Variants in MOGAT1 observed in about 807,000 individuals in gnomAD.
The protein encoded by MOGAT1 is monoacylglycerol O-acyltransferase 1.
A neutral mutation model predicts 31.4 loss-of-function variants in MOGAT1; 32 were observed. The observed-to-expected ratio is 1.02, with a 90% CI of 0.77 to 1.37. The LOEUF (loss-of-function observed/expected upper bound fraction) is 1.37. Among genes scored for constraint, MOGAT1 ranks in the 40% most tolerant of loss-of-function variants. The pLI is 0.00. For missense variants in MOGAT1, 426 were observed against 402.0 expected, an observed-to-expected ratio of 1.06 and a Z score of -0.51; for synonymous variants, 145 against 144.5, an observed-to-expected ratio of 1.00 and a Z score of -0.03.
rs1262682357 is a variant in MOGAT1 at position 222,676,993 on chromosome 2, TA to T, written c.94+5117del. On this transcript the variant is annotated intron_variant, in intron 1 of 5. Coordinates refer to ENST00000446656, the MANE Select transcript of MOGAT1 (RefSeq NM_058165.3). The stretch of plus-strand genomic sequence containing the variant: ...ATCCACAATTATACTAATTGTCAAC[TA>T]AAGTTTTACACTTCATACTTGAGAT... Among the ~76,000 whole-genome samples, 6 of 152,222 alleles carry T rather than the reference TA, an allele frequency of 3.9e-5. No individual in the cohort carries two copies. In the East Asian group the frequency reaches 1.2e-3, roughly 29 times the overall value.
intron 1 of MOGAT1, among the ~76,000 whole-genome samples, chr2:222,680,033 C>T (rs1692554597): frequency 6.6e-6 from 1 of 152,144 alleles, no homozygotes; most frequent in Admixed American, 6.5e-5. Context: ...AAAAGCTCTC[C>T]TTCTATTTTG....
At chr2:222,695,367 G>A (rs1218516509) in intron 5 of MOGAT1, 79 bp downstream of exon 5, 2 of 963,330 alleles carry the variant, frequency 2.1e-6, no homozygotes, top group African/African-American at 3.4e-5. Flanking sequence ...CTAATGCAAG[G>A]GAAGTGGCTT....
chr2:222,687,140 GAAAGAACAAGAAA>G (rs1316752254), intron 1 of MOGAT1, among the ~76,000 whole-genome samples: 5 of 51,316 alleles, frequency 9.7e-5, no homozygotes, highest in African/African-American at 7.6e-4. Context: ...AAAAAAAAAA[GAAAGAACAAGAAA>G]GAAAGAAAAA....
At chr2:222,694,174 G>A (rs1241650419) in intron 3 of MOGAT1, among the ~76,000 whole-genome samples, 188 bp from the exon 4 acceptor site, 2 of 152,172 alleles carry the variant, frequency 1.3e-5, no homozygotes, top group African/African-American at 4.8e-5. Context: ...CTGCCAAGAT[G>A]TTAACTTATT....
chr2:222,703,917 A>AC (rs5838962), intron 5 of MOGAT1, among the ~76,000 whole-genome samples: 86,561 of 151,862 alleles, frequency 0.57, 25,460 homozygotes, highest in Middle Eastern at 0.71. Context: ...AGCTGTGTAT[A>AC]CCACAAGCCC....
rs186785340 is a variant in MOGAT1, at chr2:222,709,678, G to A, written c.854-58G>A. 2.6e-6 allele frequency: 4 copies of A among 1,520,216 alleles called. No individual in the cohort carries two copies. The East Asian group carries it at 9.0e-5, about 34-fold the overall frequency. The allele number at this position is 1,520,216 out of a possible 1,614,324, so 94.2% of individuals were successfully genotyped here. The stretch of plus-strand genomic sequence containing the variant: ...TGTTCACAGCTGTGCATTAGGGGCG[G>A]CGGTCTGTGGTGGAGTGGTTTTAGT... On this transcript the variant is annotated intron_variant, in intron 5 of 5. Coordinates refer to ENST00000446656, the MANE Select transcript of MOGAT1 (RefSeq NM_058165.3).
intron 5 of MOGAT1, among the ~76,000 whole-genome samples, chr2:222,708,240 C>T (rs1267060904): frequency 2.0e-5 from 3 of 152,106 alleles, no homozygotes; most frequent in Admixed American, 6.5e-5. Context: ...CCCGCCACCA[C>T]GTCCGGCTAA....
chr2:222,672,264 CA>C (rs1279741411), intron 1 of MOGAT1, among the ~76,000 whole-genome samples: 3 of 152,198 alleles, frequency 2.0e-5, no homozygotes, highest in Non-Finnish European at 4.4e-5. Context: ...ACTGTTGATT[CA>C]TAGATGGCAA....
chr2:222,677,064 G>A (rs1287877931), intron 1 of MOGAT1, among the ~76,000 whole-genome samples: 1 of 152,112 alleles, frequency 6.6e-6, no homozygotes, highest in Non-Finnish European at 1.5e-5. Context: ...TGATTTCAGA[G>A]TCTCATCCTG....
At chr2:222,691,678 G>T (rs1344263823) in intron 3 of MOGAT1, among the ~76,000 whole-genome samples, 1 of 152,164 alleles carries the variant, frequency 6.6e-6, no homozygotes, top group African/African-American at 2.4e-5. Context: ...GACAGCCCTT[G>T]GTCCAAGGCT....
At chr2:222,703,383 A>T (rs936169340) in intron 5 of MOGAT1, among the ~76,000 whole-genome samples, 2 of 151,432 alleles carry the variant, frequency 1.3e-5, no homozygotes, top group African/African-American at 4.9e-5. Context: ...CTTGTACCTG[A>T]GGGTTTTTTT....
At chr2:222,679,479 G>A (rs1360797051) in intron 1 of MOGAT1, among the ~76,000 whole-genome samples, 1 of 152,202 alleles carries the variant, frequency 6.6e-6, no homozygotes, top group African/African-American at 2.4e-5. Flanking sequence ...ATTGGAATTA[G>A]CTTATAGTTT....
chr2:222,695,296 C>T lies in MOGAT1; in HGVS notation c.853+8C>T, dbSNP rs1242713792. On this transcript the variant is annotated splice_region_variant and intron_variant, in intron 5 of 5. Coordinates refer to ENST00000446656, the MANE Select transcript of MOGAT1 (RefSeq NM_058165.3). Reference sequence around the variant, plus strand: ...AAGCCATCCACACTGTTGGTATGTACATAAAATAACTACAACTATTAGCTT... The same window carrying T: ...AAGCCATCCACACTGTTGGTATGTATATAAAATAACTACAACTATTAGCTT... 1 of 1,566,948 alleles carries T rather than the reference C, an allele frequency of 6.4e-7. No individual in the cohort carries two copies. The highest frequency in any genetic ancestry group is 8.7e-7 in the Non-Finnish European group (1 of 1,145,160).
chr2:222,708,352 G>C (rs1237896819), intron 5 of MOGAT1, among the ~76,000 whole-genome samples: 1 of 152,110 alleles, frequency 6.6e-6, no homozygotes, highest in Non-Finnish European at 1.5e-5. Context: ...CCAAAGTGTT[G>C]GGATTACAGG....
At chr2:222,694,115 G>A (rs1197729845) in intron 3 of MOGAT1, among the ~76,000 whole-genome samples, 3 of 152,144 alleles carry the variant, frequency 2.0e-5, no homozygotes, top group Non-Finnish European at 4.4e-5. Context: ...ACAAACAAGT[G>A]GTAGACCTAG....
At chr2:222,703,650 G>A (rs758856292) in intron 5 of MOGAT1, among the ~76,000 whole-genome samples, 6 of 152,070 alleles carry the variant, frequency 3.9e-5, no homozygotes, top group Non-Finnish European at 5.9e-5. Flanking sequence ...CCTGATTTGC[G>A]TTCCAGCTTC....
intron 1 of MOGAT1, among the ~76,000 whole-genome samples, chr2:222,672,914 T>TTAC (rs1440482384): frequency 6.8e-6 from 1 of 148,114 alleles, no homozygotes; most frequent in African/African-American, 2.5e-5. Context: ...ATTATTATTA[T>TTAC]TATTATTATT....
chr2:222,709,170 T>C (rs952677077), intron 5 of MOGAT1, among the ~76,000 whole-genome samples: 2 of 151,884 alleles, frequency 1.3e-5, no homozygotes, highest in African/African-American at 4.8e-5. Context: ...AAAAAAAAAT[T>C]AGCCGGGCAT....
chr2:222,706,087 G>C (rs959511940), intron 5 of MOGAT1, among the ~76,000 whole-genome samples: 1 of 152,116 alleles, frequency 6.6e-6, no homozygotes, highest in African/African-American at 2.4e-5. Flanking sequence ...TATAGTTTAG[G>C]AACTTTCAGC....
Sources: allele counts gnomAD v4.1 joint callset (sites outside exome capture counted in the v4.1 genomes callset), GRCh38; gene constraint gnomAD v4.1.1; transcripts MANE v1.5; gene names NCBI Gene and HGNC (gene_info 2026-07-23, HGNC 2026-07-21).